SUPT3H: variants seen among roughly 807,000 people sequenced by gnomAD.
SUPT3H encodes SPT3 homolog, SAGA and STAGA complex component.
Under a neutral mutation model 44.3 loss-of-function variants are expected in SUPT3H, and 44 were observed. That is an observed-to-expected ratio of 0.99 (90% CI 0.78 to 1.28). The LOEUF is 1.28. Among genes scored for constraint, SUPT3H ranks in the 50% most tolerant of loss-of-function variants. SUPT3H has a pLI of 0.00. For synonymous variants in SUPT3H, 124 were observed against 125.6 expected (o/e 0.99, Z 0.09); for missense variants, 380 against 387.1 (o/e 0.98, Z 0.15).
chr6:44,887,699 A>G (rs1311278376), intron 10 of SUPT3H, among the ~76,000 whole-genome samples: 2 of 151,676 alleles, frequency 1.3e-5, no homozygotes, highest in South Asian at 2.1e-4. Context: ...TAACATCACA[A>G]TTAAAAGAAC....
chr6:44,934,125 G>A (rs1771033687), intron 9 of SUPT3H, among the ~76,000 whole-genome samples: 1 of 152,162 alleles, frequency 6.6e-6, no homozygotes, highest in East Asian at 1.9e-4. Context: ...GATAATTACT[G>A]TATTTTTTTG....
intron 10 of SUPT3H, among the ~76,000 whole-genome samples, chr6:44,924,283 CT>C (rs1446396421): frequency 6.6e-6 from 1 of 152,026 alleles, no homozygotes; most frequent in Non-Finnish European, 1.5e-5. Context: ...TTGAATCAAA[CT>C]CTTTTCAATG....
intron 2 of SUPT3H, among the ~76,000 whole-genome samples, chr6:45,135,299 A>C (rs1201822660): frequency 6.6e-6 from 1 of 152,104 alleles, no homozygotes; most frequent in Non-Finnish European, 1.5e-5. Flanking sequence ...ATATACAGTA[A>C]TCTCTTTAGC....
At chr6:45,230,225 T>G (rs1457418207) in intron 2 of SUPT3H, among the ~76,000 whole-genome samples, 1 of 152,230 alleles carries the variant, frequency 6.6e-6, no homozygotes, top group East Asian at 1.9e-4. Context: ...AAATGTTCTA[T>G]CAATGTCTGT....
intron 3 of SUPT3H, among the ~76,000 whole-genome samples, chr6:45,033,916 T>C (rs1787314415): frequency 6.6e-6 from 1 of 152,156 alleles, no homozygotes; most frequent in Non-Finnish European, 1.5e-5. Context: ...TTTGAGAATT[T>C]AACTGGCTGA....
At chr6:45,262,754 G>A (rs901414254) in intron 2 of SUPT3H, among the ~76,000 whole-genome samples, 15 of 152,034 alleles carry the variant, frequency 9.9e-5, no homozygotes, top group African/African-American at 1.4e-4. Flanking sequence ...CTATGCATCC[G>A]ACAAAGGTCT....
intron 2 of SUPT3H, among the ~76,000 whole-genome samples, chr6:45,283,082 G>A (rs1310552386): frequency 2.0e-5 from 3 of 152,144 alleles, no homozygotes; most frequent in Admixed American, 6.5e-5. Flanking sequence ...GCTCCTGAAG[G>A]AAGCACTAAA....
chr6:45,067,618 A>G lies in SUPT3H; in HGVS notation c.186+38304T>C, dbSNP rs1484765005. 4.3e-5 allele frequency among the ~76,000 whole-genome samples: 6 copies of G among 139,894 alleles called. No individual in the cohort carries two copies. In the South Asian group the frequency reaches 1.1e-3, roughly 25 times the overall value. The allele number at this position is 139,894 out of a possible 152,430, so 91.8% of individuals were successfully genotyped here. On this transcript the variant is annotated intron_variant, in intron 3 of 10. Transcript: ENST00000371459. ...CAATGAACTCAAACAAATTTACAAGAAAAAAAAAACAACCCCATCAAAAAG... is the reference window on the plus strand; with the variant it reads ...CAATGAACTCAAACAAATTTACAAGGAAAAAAAAACAACCCCATCAAAAAG...
intron 6 of SUPT3H, among the ~76,000 whole-genome samples, chr6:44,966,032 C>T (rs1472378546): frequency 1.3e-5 from 2 of 152,036 alleles, no homozygotes; most frequent in Non-Finnish European, 2.9e-5. Context: ...TCCAATTTTA[C>T]AAATCCCAGG....
intron 2 of SUPT3H, among the ~76,000 whole-genome samples, chr6:45,357,249 C>T (rs1179496045): frequency 4.0e-5 from 6 of 151,894 alleles, no homozygotes; most frequent in South Asian, 2.1e-4. Flanking sequence ...CCTTCTGACC[C>T]GCCCACCTCG....
chr6:45,218,294 G>A (rs1255663610), intron 2 of SUPT3H, among the ~76,000 whole-genome samples: 1 of 152,106 alleles, frequency 6.6e-6, no homozygotes, highest in Non-Finnish European at 1.5e-5. Context: ...CAATCTACTA[G>A]GAAGACATAG....
At chr6:45,072,345 A>C (rs1794493610) in intron 3 of SUPT3H, among the ~76,000 whole-genome samples, 1 of 152,222 alleles carries the variant, frequency 6.6e-6, no homozygotes, top group African/African-American at 2.4e-5. Flanking sequence ...TTTTCTTTTC[A>C]GTGCCACTCA....
At chr6:45,241,106 G>A (rs1048012841) in intron 2 of SUPT3H, among the ~76,000 whole-genome samples, 2 of 152,178 alleles carry the variant, frequency 1.3e-5, no homozygotes, top group African/African-American at 4.8e-5. Flanking sequence ...ATAGTCTGCA[G>A]ATGCAGATCC....
chr6:45,026,145 A>T (rs1785966869), intron 3 of SUPT3H, among the ~76,000 whole-genome samples: 1 of 152,082 alleles, frequency 6.6e-6, no homozygotes, highest in South Asian at 2.1e-4. Flanking sequence ...TCTATTATGC[A>T]CTCATTATCC....
chr6:44,992,000 G>C (rs977838409), intron 6 of SUPT3H, among the ~76,000 whole-genome samples: 1 of 152,070 alleles, frequency 6.6e-6, no homozygotes, highest in African/African-American at 2.4e-5. Flanking sequence ...AAAGAATAGG[G>C]AAATATAATC....
At chr6:45,195,826 T>C (rs115655433) in intron 2 of SUPT3H, among the ~76,000 whole-genome samples, 2,842 of 152,146 alleles carry the variant, frequency 0.019, 83 homozygotes, top group African/African-American at 0.062. Flanking sequence ...TGAAAAACAA[T>C]TGGATTCATG....
intron 5 of SUPT3H, among the ~76,000 whole-genome samples, chr6:45,013,761 C>A (rs530180461): frequency 2.2e-4 from 34 of 152,150 alleles, no homozygotes; most frequent in Admixed American, 5.2e-4. Flanking sequence ...GAGATGCCTA[C>A]CTCTTGCCCC....
chr6:45,129,900 C>G (rs78367148), intron 2 of SUPT3H, among the ~76,000 whole-genome samples: 1 of 151,890 alleles, frequency 6.6e-6, no homozygotes, highest in Non-Finnish European at 1.5e-5. Context: ...AGAAATGAGT[C>G]AAAACACACA....
At chr6:45,309,934 CA>C (rs1783689485) in intron 2 of SUPT3H, among the ~76,000 whole-genome samples, 2 of 152,028 alleles carry the variant, frequency 1.3e-5, no homozygotes, top group African/African-American at 4.8e-5. Context: ...ACTGCAGGAA[CA>C]AACCAGCAAT....
Sources: gnomAD v4.1 joint callset for allele counts (sites outside exome capture counted in the v4.1 genomes callset) on GRCh38, gnomAD v4.1.1 for gene constraint, MANE v1.5 for transcripts, NCBI Gene and HGNC (gene_info 2026-07-23, HGNC 2026-07-21) for gene names.